Variants in DAB1 observed in about 807,000 individuals in gnomAD.
The protein encoded by DAB1 is DAB adaptor protein 1, also known as disabled homolog 1.
A neutral mutation model predicts 64.6 loss-of-function variants in DAB1; 15 were observed. The observed-to-expected ratio is 0.23, with a 90% confidence interval of 0.16 to 0.36. The LOEUF is 0.36. DAB1 is among the 10% of genes least tolerant of loss of function. The pLI is 1.00. For synonymous variants in DAB1, 235 were observed against 251.9 expected (o/e 0.93, Z 0.64); for missense variants, 596 against 706.7 (o/e 0.84, Z 1.78).
At chr1:58,464,334 C>T (rs1023348475) in intron 3 of DAB1, among the ~76,000 whole-genome samples, 1 of 152,180 alleles carries the variant, frequency 6.6e-6, no homozygotes, top group East Asian at 1.9e-4. Context: ...AGGATTTCCA[C>T]TGTTACTCAG....
chr1:57,487,001 G>A (rs1157420265), intron 7 of DAB1, among the ~76,000 whole-genome samples: 1 of 151,604 alleles, frequency 6.6e-6, no homozygotes, highest in Non-Finnish European at 1.5e-5. Flanking sequence ...GCATATAAAT[G>A]TCAGGAACAG....
At chr1:57,180,242 T>C (rs1431715409) in intron 2 of DAB1, among the ~76,000 whole-genome samples, 3 of 152,200 alleles carry the variant, frequency 2.0e-5, no homozygotes, top group Admixed American at 6.5e-5. Context: ...CACCTTCCCC[T>C]TTCCCCCAGC....
chr1:57,606,785 C>CATAT (rs1458949331), intron 7 of DAB1, among the ~76,000 whole-genome samples: 3,403 of 89,234 alleles, frequency 0.038, 121 homozygotes, highest in African/African-American at 0.09. Flanking sequence ...ATATTTTATA[C>CATAT]ATATATATAT....
At chr1:58,257,061 C>T (rs1455659992) in intron 4 of DAB1, among the ~76,000 whole-genome samples, 1 of 152,206 alleles carries the variant, frequency 6.6e-6, no homozygotes, top group Non-Finnish European at 1.5e-5. Context: ...TAAGCATTCA[C>T]TGAATTATGC....
intron 5 of DAB1, among the ~76,000 whole-genome samples, chr1:58,015,100 G>A (rs931474125): frequency 1.4e-4 from 22 of 152,318 alleles, no homozygotes; most frequent in Middle Eastern, 3.4e-3. Flanking sequence ...CCCACTTGTA[G>A]ACTTGGCCTT....
intron 1 of DAB1, among the ~76,000 whole-genome samples, chr1:57,855,585 G>A (rs1653715641): frequency 1.3e-5 from 2 of 152,266 alleles, no homozygotes; most frequent in Admixed American, 1.3e-4. Context: ...GAAATGAAGG[G>A]TGGGCCATAC....
intron 4 of DAB1, among the ~76,000 whole-genome samples, chr1:58,333,546 G>C (rs1354735783): frequency 6.6e-6 from 1 of 152,228 alleles, no homozygotes; most frequent in Non-Finnish European, 1.5e-5. Context: ...GGGTGCACAC[G>C]CACACTTTTA....
At chr1:58,270,294 T>A (rs1354147513) in intron 4 of DAB1, among the ~76,000 whole-genome samples, 7 of 147,642 alleles carry the variant, frequency 4.7e-5, no homozygotes, top group African/African-American at 1.5e-4. Context: ...CTTTCCCCAT[T>A]GCTTGTTTTT....
At chr1:58,444,726 G>A (rs1375811576) in intron 3 of DAB1, among the ~76,000 whole-genome samples, 1 of 152,184 alleles carries the variant, frequency 6.6e-6, no homozygotes, top group East Asian at 1.9e-4. Flanking sequence ...TCTGGGCACA[G>A]AAAGAAGAAA....
intron 6 of DAB1, among the ~76,000 whole-genome samples, chr1:57,738,384 G>T (rs1461845590): frequency 6.6e-6 from 1 of 152,156 alleles, no homozygotes; most frequent in African/African-American, 2.4e-5. Flanking sequence ...CGAGATATAG[G>T]TGGATGTGAC....
chr1:58,472,734 C>T (rs1457976165), intron 3 of DAB1, among the ~76,000 whole-genome samples: 6 of 152,148 alleles, frequency 3.9e-5, no homozygotes, highest in Non-Finnish European at 7.4e-5. Context: ...AACAAAAGAC[C>T]GATGAAAACC....
chr1:57,371,260 A>C (rs1395915948), intron 1 of DAB1, among the ~76,000 whole-genome samples: 1 of 152,220 alleles, frequency 6.6e-6, no homozygotes, highest in African/African-American at 2.4e-5. Flanking sequence ...GCCACCGTCG[A>C]GTATCCCACA....
At position 58,530,132 on chromosome 1, in the gene DAB1, T is replaced by C. The variant is rs568434467; in HGVS notation, n.33-2797A>G. Among the ~76,000 whole-genome samples the C allele has an allele frequency of 8.5e-5, 13 of 152,256 alleles. No homozygotes were observed. The East Asian group carries it at 2.5e-3, about 29-fold the overall frequency. Reference sequence around the variant, plus strand: ...TCCTGACTTCGTGATCCACCCACCTTGGCCTCCCAAAGTGCTGAGATTACA... The same window carrying C: ...TCCTGACTTCGTGATCCACCCACCTCGGCCTCCCAAAGTGCTGAGATTACA... On this transcript the variant is annotated intron_variant and non_coding_transcript_variant, in intron 1 of 20. Coordinates refer to the DAB1 transcript ENST00000485760.
chr1:58,534,997 C>T (rs6682720), intron 1 of DAB1, among the ~76,000 whole-genome samples: 17,663 of 152,100 alleles, frequency 0.12, 1,217 homozygotes, highest in African/African-American at 0.18. Flanking sequence ...AAGTAAAATA[C>T]AAAAGAAAAT....
chr1:57,403,353 A>T (rs1193621338), intron 1 of DAB1, among the ~76,000 whole-genome samples: 1 of 152,198 alleles, frequency 6.6e-6, no homozygotes, highest in Admixed American at 6.5e-5. Context: ...ACTTACTAAC[A>T]AAGCCAGCAC....
intron 4 of DAB1, among the ~76,000 whole-genome samples, chr1:58,252,518 C>T (rs1447693357): frequency 2.0e-5 from 3 of 152,036 alleles, no homozygotes; most frequent in East Asian, 1.9e-4. Context: ...GAAAGGGAAA[C>T]AGACAGTCCT....
intron 2 of DAB1, among the ~76,000 whole-genome samples, chr1:58,520,369 A>C (rs543257305): frequency 2.4e-4 from 36 of 152,348 alleles, no homozygotes; most frequent in African/African-American, 8.4e-4. Flanking sequence ...ACTCAAGAAT[A>C]AGAACACAAA....
intron 7 of DAB1, among the ~76,000 whole-genome samples, chr1:57,606,785 C>CTT: frequency 2.2e-5 from 2 of 89,278 alleles, no homozygotes; most frequent in South Asian, 6.4e-4. Context: ...ATATTTTATA[C>CTT]ATATATATAT....
At chr1:57,449,932 C>T (rs1314174739) in intron 7 of DAB1, among the ~76,000 whole-genome samples, 1 of 152,106 alleles carries the variant, frequency 6.6e-6, no homozygotes, top group Non-Finnish European at 1.5e-5. Context: ...GCTCTGTATC[C>T]AGCCACTGGT....
Sources: allele counts gnomAD v4.1 joint callset (sites outside exome capture counted in the v4.1 genomes callset), GRCh38; gene constraint gnomAD v4.1.1; transcripts MANE v1.5; gene names NCBI Gene and HGNC (gene_info 2026-07-23, HGNC 2026-07-21).